CD274: variants seen among roughly 807,000 people sequenced by gnomAD.
CD274 encodes programmed cell death 1 ligand 1.
Under a neutral mutation model 30.1 loss-of-function variants are expected in CD274, and 8 were observed. The observed-to-expected ratio is 0.27, with a 90% CI of 0.16 to 0.48. CD274 has a LOEUF of 0.48. Among genes scored for constraint, CD274 ranks in the 20% least tolerant of loss-of-function variants. CD274 has a pLI of 0.99. For synonymous variants in CD274, 152 were observed against 124.6 expected (o/e 1.22, Z -1.46); for missense variants, 353 against 346.6 (o/e 1.02, Z -0.15).
intron 4 of CD274, among the ~76,000 whole-genome samples, chr9:5,463,942 T>G (rs868529520): frequency 6.6e-6 from 1 of 151,758 alleles, no homozygotes; most frequent in African/African-American, 2.4e-5. Flanking sequence ...GTGAGGCGAG[T>G]GAGCATGATA....
Position 5,462,865 on chromosome 9 carries a change from G to C in CD274, c.426G>C (p.Leu142Phe), listed in dbSNP as rs1010004471. Reference sequence around the variant, plus strand: ...ACAACAAAATCAACCAAAGAATTTTGGTTGTGGATCCAGTCACCTCTGAAC... The same window carrying C: ...ACAACAAAATCAACCAAAGAATTTTCGTTGTGGATCCAGTCACCTCTGAAC... Reference protein sequence around the residue: ...APYNKINQRILVVDPVTSEHE... With the variant: ...APYNKINQRIFVVDPVTSEHE... Residue 142 changes from leucine (L) to phenylalanine (F), a missense_variant, in exon 4 of 7, where the codon TTG (leucine) becomes TTC (phenylalanine). Physicochemically the swap from Leu to Phe is conservative, Grantham distance 22. Coordinates refer to ENST00000381577, the MANE Select transcript of CD274 (RefSeq NM_014143.4). The C allele has an allele frequency of 2.5e-6, 4 of 1,613,618 alleles. No homozygotes were observed. Among genetic ancestry groups the C allele is most frequent in the Non-Finnish European group, 3.4e-6 (4 of 1,179,662 alleles).
At chr9:5,456,569 T>C (rs191534898) in intron 2 of CD274, among the ~76,000 whole-genome samples, 343 of 152,322 alleles carry the variant, frequency 2.3e-3, no homozygotes, top group Non-Finnish European at 3.4e-3. Context: ...AATTGTAAGA[T>C]ACATGGAAAA....
Position 5,457,357 on chromosome 9 carries a change from G to A in CD274, c.331G>A (p.Val111Met), listed in dbSNP as rs748692181. 3.1e-6 allele frequency: 5 copies of A among 1,614,134 alleles called. No homozygotes were observed. Among genetic ancestry groups the A allele is most frequent in the Admixed American group, 1.7e-5 (1 of 59,974 alleles). The change falls in exon 3 of 7, where the codon GTG becomes ATG. Residue 111 changes from valine (V) to methionine (M), a missense_variant. Transcript: ENST00000381577. ...ITDVKLQDAG[V>M]YRCMISYGGA... ...AGATGTGAAATTGCAGGATGCAGGG[G>A]TGTACCGCTGCATGATCAGCTATGG... is the stretch of plus-strand genomic sequence containing the variant.
rs376683967 is a variant in CD274, at chr9:5,467,930, T to G, written c.*68T>G. ...CTGTGGTTTAGGGGTTCATCGGGGCTGAGCGTGACAAGAGGAAGGAATGGG... is the reference window on the plus strand; with the variant it reads ...CTGTGGTTTAGGGGTTCATCGGGGCGGAGCGTGACAAGAGGAAGGAATGGG... On this transcript the variant is annotated 3_prime_UTR_variant, in exon 7 of 7. Coordinates refer to ENST00000381577, the MANE Select transcript of CD274 (RefSeq NM_014143.4). 7.0e-5 allele frequency: 97 copies of G among 1,376,226 alleles called. 1 individual carries two copies. The Middle Eastern group carries it at 1.1e-3, about 15-fold the overall frequency. The allele number at this position is 1,376,226 out of a possible 1,614,324, so 85.3% of individuals were successfully genotyped here.
intron 3 of CD274, among the ~76,000 whole-genome samples, chr9:5,459,649 T>C (rs1364540495): frequency 2.0e-5 from 3 of 152,214 alleles, no homozygotes; most frequent in Non-Finnish European, 4.4e-5. Flanking sequence ...TCACTATCAC[T>C]TCGGGTGTTA....
rs796460414 is a variant in CD274, at chr9:5,469,318, C to T, written c.*1456C>T. 1 of 232,418 alleles carries T rather than the reference C, an allele frequency of 4.3e-6. No individual in the cohort carries two copies. Among genetic ancestry groups the T allele is most frequent in the Non-Finnish European group, 8.5e-6 (1 of 117,676 alleles). 14.4% of individuals were successfully genotyped at this position (232,418 alleles called of 1,614,324 possible). ...AATGCCACTAAATTTTAAATTCATA[C>T]CTTTCCATGATTCAAAATTCAAAAG... On this transcript the variant is annotated 3_prime_UTR_variant, in exon 7 of 7. Coordinates refer to ENST00000381577, the MANE Select transcript of CD274 (RefSeq NM_014143.4).
chr9:5,457,532 C>G, intron 3 of CD274, 112 bp downstream of exon 3: 1 of 794,166 alleles, frequency 1.3e-6, no homozygotes, highest in Non-Finnish European at 2.0e-6. Flanking sequence ...ACAGCATAGT[C>G]TGTTCATTCA....
Position 5,469,488 on chromosome 9 carries a change from T to G in CD274, c.*1626T>G, listed in dbSNP as rs555215327. 8.7e-6 allele frequency: 2 copies of G among 230,828 alleles called. No individual in the cohort carries two copies. Among genetic ancestry groups the G allele is most frequent in the African/African-American group, 4.4e-5 (2 of 45,222 alleles). The allele number at this position is 230,828 out of a possible 1,614,324, so 14.3% of individuals were successfully genotyped here. A position where few individuals can be genotyped will look rare whatever the true frequency, so the allele number is the denominator to read the frequency against. ...GGAAATGTATGTTAAAAGCACGTAT[T>G]TTTAAAATTTTTTTCCTAAATAGTA... On this transcript the variant is annotated 3_prime_UTR_variant, in exon 7 of 7. Coordinates refer to ENST00000381577, the MANE Select transcript of CD274 (RefSeq NM_014143.4).
chr9:5,462,738 C>T (rs1323859325), intron 3 of CD274, 96 bp from the exon 4 acceptor site: 17 of 1,154,326 alleles, frequency 1.5e-5, no homozygotes, highest in Non-Finnish European at 2.1e-5. Context: ...TGAGAACCAG[C>T]CTGCATTGAT....
In CD274 at chr9:5,470,178, AAAC is replaced by A. The variant is rs1429992970; in HGVS notation, c.*2318_*2320del. 4.3e-6 allele frequency: 1 copy of A among 232,954 alleles called. No individual in the cohort carries two copies. Among genetic ancestry groups the A allele is most frequent in the African/African-American group, 2.2e-5 (1 of 45,324 alleles). The allele number at this position is 232,954 out of a possible 1,614,324, so 14.4% of individuals were successfully genotyped here. A position where few individuals can be genotyped will look rare whatever the true frequency, so the allele number is the denominator to read the frequency against. ...GCTTTGCCACATGTCAAGGCTGAAG[AAAC>A]AGTGTCTCCAACAGAGCTCCTTGTG... On this transcript the variant is annotated 3_prime_UTR_variant, in exon 7 of 7. Transcript: ENST00000381577.
Position 5,463,095 on chromosome 9 carries a change from A to T in CD274, c.656A>T (p.Asn219Ile). Residue 219 changes from asparagine (N) to isoleucine (I), a missense_variant, in exon 4 of 7, where the codon AAC becomes ATC. Physicochemically the swap from Asn to Ile is moderately radical, Grantham distance 149. Transcript: ENST00000381577. The part of the protein sequence containing the change: ...CTFRRLDPEE[N>I]HTAELVIPEL... ...TTTAGGAGATTAGATCCTGAGGAAA[A>T]CCATACAGCTGAATTGGTCATCCCA... The T allele has an allele frequency of 6.2e-7, 1 of 1,613,964 alleles. No homozygotes were observed. The highest frequency in any genetic ancestry group is 8.5e-7 in the Non-Finnish European group (1 of 1,179,860).
At chr9:5,454,906 A>T (rs1819273583) in intron 1 of CD274, among the ~76,000 whole-genome samples, 1 of 152,198 alleles carries the variant, frequency 6.6e-6, no homozygotes, top group Non-Finnish European at 1.5e-5. Context: ...AACATCTTTC[A>T]TATGTTTACA....
chr9:5,456,023 C>T (rs1233496096), intron 1 of CD274, 77 bp from the exon 2 acceptor site: 2 of 845,136 alleles, frequency 2.4e-6, no homozygotes, highest in African/African-American at 1.7e-5. Context: ...CAGTTAGAAC[C>T]ACCAAGTCCC....
At chr9:5,457,853 C>G (rs536816907) in intron 3 of CD274, among the ~76,000 whole-genome samples, 1 of 152,264 alleles carries the variant, frequency 6.6e-6, no homozygotes, top group South Asian at 2.1e-4. Flanking sequence ...TATTCAACTA[C>G]TATTTTTTTA....
At chr9:5,466,100 A>G (rs1449853139) in intron 5 of CD274, among the ~76,000 whole-genome samples, 1 of 152,356 alleles carries the variant, frequency 6.6e-6, no homozygotes, top group Non-Finnish European at 1.5e-5. Context: ...CAGGAAAATG[A>G]GTATATTCAA....
chr9:5,452,478 C>T (rs1819224897), intron 1 of CD274, among the ~76,000 whole-genome samples: 1 of 152,234 alleles, frequency 6.6e-6, no homozygotes, highest in Non-Finnish European at 1.5e-5. Flanking sequence ...TTTCATTGCT[C>T]TTTAAATGTC....
At position 5,457,100 on chromosome 9, in the gene CD274, A is replaced by G. The variant is rs754087767; in HGVS notation, c.74A>G (p.Lys25Arg). Residue 25 changes from lysine (K) to arginine (R), a missense_variant, in exon 3 of 7, where the codon AAG (lysine) becomes AGG (arginine). By Grantham distance (26) the Lys-to-Arg change is conservative (BLOSUM62 2). Transcript: ENST00000381577. ...TTAGCATTTACTGTCACGGTTCCCA[A>G]GGACCTATATGTGGTAGAGTATGGT... Reference protein sequence around the residue: ...LLNAFTVTVPKDLYVVEYGSN... With the variant: ...LLNAFTVTVPRDLYVVEYGSN... 2.5e-6 allele frequency: 4 copies of G among 1,605,448 alleles called. No individual in the cohort carries two copies. Among genetic ancestry groups the G allele is most frequent in the Admixed American group, 1.7e-5 (1 of 59,780 alleles).
intron 4 of CD274, 21 bp downstream of exon 4, chr9:5,463,142 A>G (rs1457187448): frequency 5.6e-6 from 9 of 1,600,634 alleles, no homozygotes; most frequent in Non-Finnish European, 7.7e-6. Context: ...GAATGTGTCC[A>G]TTAAAATATG....
rs189530695 is a variant in CD274, at chr9:5,462,054, C to G, written c.395-780C>G. Among the ~76,000 whole-genome samples, 464 of 152,174 alleles carry G rather than the reference C, an allele frequency of 3.0e-3. 4 individuals are homozygous for G. The highest frequency in any genetic ancestry group is 0.011 in the African/African-American group (452 of 41,524). ...TGTAAGATACTAACAATAGAGGAAA[C>G]CGGGTAAGGAGTATACAGTAACTCT... On this transcript the variant is annotated intron_variant, in intron 3 of 6. Coordinates refer to ENST00000381577, the MANE Select transcript of CD274 (RefSeq NM_014143.4).
Sources: gnomAD v4.1 joint callset for allele counts (sites outside exome capture counted in the v4.1 genomes callset) on GRCh38, gnomAD v4.1.1 for gene constraint, MANE v1.5 for transcripts, NCBI Gene and HGNC (gene_info 2026-07-23, HGNC 2026-07-21) for gene names.